The following CTDP1 variants were observed in gnomAD, a reference collection of about 807,000 sequenced individuals.
CTDP1 encodes the protein CTD phosphatase 1.
Under a neutral mutation model 91.8 loss-of-function variants are expected in CTDP1, and 47 were observed. The ratio of observed to expected loss-of-function variants is 0.51; its 90% CI spans 0.41 to 0.65. The LOEUF is 0.65. Ranked by LOEUF, CTDP1 falls within the 30% of genes least tolerant of loss-of-function variation. The probability of loss-of-function intolerance (pLI) is 0.00; values close to 1 mark genes in which losing one functional copy is unlikely to be tolerated. For synonymous variants in CTDP1, 656 were observed against 598.5 expected (o/e 1.10, Z -1.40); for missense variants, 1,272 against 1,373.7 (o/e 0.93, Z 1.17).
intron 12 of CTDP1, among the ~76,000 whole-genome samples, chr18:79,747,471 A>G (rs2086904170): frequency 6.6e-6 from 1 of 152,166 alleles, no homozygotes; most frequent in South Asian, 2.1e-4. Context: ...GCAGCAGACC[A>G]GCTCTTGCCG....
chr18:79,681,645 C>A, intron 1 of CTDP1: 1 of 204,974 alleles, frequency 4.9e-6, no homozygotes, highest in Non-Finnish European at 8.6e-6. Context: ...GGGTTCCCAG[C>A]AGTCAGTAGT....
At chr18:79,745,261 CTG>C in intron 12 of CTDP1, among the ~76,000 whole-genome samples, 3 of 135,484 alleles carry the variant, frequency 2.2e-5, no homozygotes, top group African/African-American at 8.4e-5. Context: ...CGTTCTGTCC[CTG>C]CGTCCCTCCC....
intron 12 of CTDP1, among the ~76,000 whole-genome samples, chr18:79,739,432 C>T (rs1470444892): frequency 2.0e-5 from 3 of 151,656 alleles, no homozygotes; most frequent in East Asian, 1.9e-4. Flanking sequence ...AAATGACCTG[C>T]GCACGGCAGA....
At chr18:79,740,982 G>A (rs1402017811) in intron 12 of CTDP1, among the ~76,000 whole-genome samples, 1 of 152,100 alleles carries the variant, frequency 6.6e-6, no homozygotes, top group African/African-American at 2.4e-5. Context: ...GTTGGGTGAG[G>A]TCCCCCGTGC....
downstream of CTDP1, chr18:79,755,079 T>C (rs1411911366): frequency 6.6e-6 from 1 of 152,128 alleles, no homozygotes; most frequent in East Asian, 1.9e-4. Flanking sequence ...ACCTTTCCTG[T>C]GGGGTTTTCG....
intron 11 of CTDP1, among the ~76,000 whole-genome samples, chr18:79,732,676 T>C (rs1340408827): frequency 2.0e-5 from 3 of 149,774 alleles, no homozygotes; most frequent in Non-Finnish European, 4.4e-5. Context: ...TCAGGAGTGC[T>C]CCCAAAATCA....
chr18:79,685,060 C>T (rs1568171214), intron 1 of CTDP1, among the ~76,000 whole-genome samples: 44 of 151,652 alleles, frequency 2.9e-4, no homozygotes, highest in East Asian at 1.4e-3. Context: ...GTGCTCCTTA[C>T]GGGGTGTGAG....
At chr18:79,754,560 A>G (rs567965308), downstream of CTDP1, 2 of 152,580 alleles carry the variant, frequency 1.3e-5, no homozygotes, top group South Asian at 4.2e-4. Context: ...CCTCGCTGGG[A>G]TCCAGCTCCT....
chr18:79,696,715 T>C (rs750996123), intron 3 of CTDP1, among the ~76,000 whole-genome samples: 2 of 152,154 alleles, frequency 1.3e-5, no homozygotes, highest in Non-Finnish European at 2.9e-5. Flanking sequence ...GGTGTTCACG[T>C]GCCCAGTTAA....
Position 79,718,032 on chromosome 18 carries a change from G to T in CTDP1, c.2417+16G>T. The stretch of plus-strand genomic sequence containing the variant: ...CTTCCTTCAGGTACGTGGCGGCCCA[G>T]CCACTGTCCCCAGCTAATGAGGGCT... On this transcript the variant is annotated intron_variant, in intron 10 of 12. Coordinates refer to ENST00000613122, the MANE Select transcript of CTDP1 (RefSeq NM_004715.5). The T allele has an allele frequency of 6.2e-7, 1 of 1,612,330 alleles. No individual in the cohort carries two copies. The highest frequency in any genetic ancestry group is 8.5e-7 in the Non-Finnish European group (1 of 1,179,750).
chr18:79,740,414 C>T (rs1175164497), intron 12 of CTDP1, among the ~76,000 whole-genome samples: 2 of 152,174 alleles, frequency 1.3e-5, no homozygotes, highest in Admixed American at 1.3e-4. Flanking sequence ...CCAGGGACTT[C>T]CAGTTTTATT....
At chr18:79,729,141 G>T in intron 11 of CTDP1, 72 bp downstream of exon 11, 5 of 1,594,058 alleles carry the variant, frequency 3.1e-6, no homozygotes, top group Non-Finnish European at 3.4e-6. Flanking sequence ...GTGTGCGGGC[G>T]GATTGCTGAG....
Position 79,704,176 on chromosome 18 carries a change from C to G in CTDP1, c.622-591C>G, listed in dbSNP as rs535230143. 1.2e-4 allele frequency among the ~76,000 whole-genome samples: 19 copies of G among 152,360 alleles called. 1 individual carries two copies. Among genetic ancestry groups the G allele is most frequent in the Admixed American group, 1.0e-3 (16 of 15,308 alleles). On this transcript the variant is annotated intron_variant, in intron 4 of 12. Coordinates refer to ENST00000613122, the MANE Select transcript of CTDP1 (RefSeq NM_004715.5). ...CTCACTCGTACCGCGTGCATGGAAA[C>G]TACTTACACAGTGGGTTTTAAATGC...
rs182271612 is a variant in CTDP1, at chr18:79,699,881, C to T, written c.621+1893C>T. Among the ~76,000 whole-genome samples, 52 of 152,290 alleles carry T rather than the reference C, an allele frequency of 3.4e-4. 1 individual carries two copies. Among genetic ancestry groups the T allele is most frequent in the Middle Eastern group, 3.4e-3 (1 of 292 alleles). The stretch of plus-strand genomic sequence containing the variant: ...AATTTCCCGTGTACTTCAGCCTCCT[C>T]GTTAGTGCTCTGCTGTTACAGGGAG... On this transcript the variant is annotated intron_variant, in intron 4 of 12. Transcript: ENST00000613122.
intron 10 of CTDP1, among the ~76,000 whole-genome samples, chr18:79,722,231 T>C (rs148179687): frequency 3.9e-5 from 6 of 152,374 alleles, no homozygotes; most frequent in African/African-American, 1.2e-4. Flanking sequence ...CAAACACTTT[T>C]ACTTGAATGA....
At chr18:79,697,148 C>T (rs2085764293) in intron 3 of CTDP1, among the ~76,000 whole-genome samples, 2 of 152,210 alleles carry the variant, frequency 1.3e-5, no homozygotes, top group Non-Finnish European at 2.9e-5. Flanking sequence ...GAGGAAGTAC[C>T]CCCCATCTTT....
chr18:79,700,054 C>T (rs947356471), intron 4 of CTDP1, among the ~76,000 whole-genome samples: 4 of 152,118 alleles, frequency 2.6e-5, no homozygotes, highest in Admixed American at 1.3e-4. Flanking sequence ...AGACGGCAAA[C>T]GTAATGGGTA....
downstream of CTDP1, chr18:79,754,651 C>A (rs575788793): frequency 4.6e-5 from 7 of 152,284 alleles, no homozygotes; most frequent in African/African-American, 1.4e-4. Context: ...GAACTGCGAG[C>A]GTGATGATCT....
intron 8 of CTDP1, among the ~76,000 whole-genome samples, chr18:79,717,093 C>T (rs561927711): frequency 7.6e-6 from 1 of 130,796 alleles, no homozygotes; most frequent in South Asian, 2.6e-4. Flanking sequence ...CCCTGGTGGG[C>T]TGCAGCCGAG....
Sources: gnomAD v4.1 joint callset for allele counts (sites outside exome capture counted in the v4.1 genomes callset) on GRCh38, gnomAD v4.1.1 for gene constraint, MANE v1.5 for transcripts, NCBI Gene and HGNC (gene_info 2026-07-23, HGNC 2026-07-21) for gene names.